Variants in ROBO2 observed in about 807,000 individuals in gnomAD.
ROBO2 encodes the protein roundabout homolog 2.
ROBO2 carries 53 observed loss-of-function variants against 160.8 expected under a neutral mutation model. That is an observed-to-expected ratio of 0.33 (90% confidence interval 0.26 to 0.41). ROBO2 has a LOEUF of 0.41. Ranked by LOEUF, ROBO2 falls within the 10% of genes least tolerant of loss-of-function variation. The probability of loss-of-function intolerance (pLI) is 1.00; values close to 1 mark genes in which losing one functional copy is unlikely to be tolerated. For synonymous variants in ROBO2, 664 were observed against 611.7 expected (o/e 1.09, Z -1.26); for missense variants, 1,577 against 1,722.4 (o/e 0.92, Z 1.49).
chr3:77,180,434 A>ATT (rs71104658), intron 2 of ROBO2, among the ~76,000 whole-genome samples: 23 of 81,644 alleles, frequency 2.8e-4, no homozygotes, highest in South Asian at 4.1e-4. Context: ...ATATATATGT[A>ATT]TTTTTTTTTT....
At chr3:76,502,458 C>A (rs540512288) in intron 2 of ROBO2, among the ~76,000 whole-genome samples, 1 of 152,202 alleles carries the variant, frequency 6.6e-6, no homozygotes, top group South Asian at 2.1e-4. Flanking sequence ...AACTTATTTA[C>A]CATGAATAAT....
At chr3:77,092,311 A>T (rs1242490051) in intron 1 of ROBO2, 1 of 151,606 alleles carries the variant, frequency 6.6e-6, no homozygotes. Flanking sequence ...ATTAGCCTAG[A>T]TGCCATGTGC....
At chr3:77,488,156 C>A (rs2153596358) in intron 4 of ROBO2, among the ~76,000 whole-genome samples, 1 of 152,236 alleles carries the variant, frequency 6.6e-6, no homozygotes, top group African/African-American at 2.4e-5. Context: ...ACTAAATTGA[C>A]AGGGCTGACT....
At chr3:77,539,186 G>T (rs2092337363) in intron 6 of ROBO2, among the ~76,000 whole-genome samples, 4 of 152,110 alleles carry the variant, frequency 2.6e-5, no homozygotes, top group Admixed American at 2.6e-4. Context: ...TCCCAAAGTG[G>T]TAGAATTACA....
intron 1 of ROBO2, among the ~76,000 whole-genome samples, chr3:75,915,678 G>C (rs1428851193): frequency 6.6e-6 from 1 of 152,148 alleles, no homozygotes; most frequent in Non-Finnish European, 1.5e-5. Context: ...GAGGACTCAT[G>C]TTGAGGTGGC....
chr3:77,130,981 T>C (rs941486013), intron 2 of ROBO2, among the ~76,000 whole-genome samples: 1 of 152,200 alleles, frequency 6.6e-6, no homozygotes, highest in Admixed American at 6.5e-5. Context: ...TGCTGTTTTT[T>C]CTTATTAGAG....
At chr3:77,175,472 G>A (rs749541112) in intron 2 of ROBO2, among the ~76,000 whole-genome samples, 8 of 152,040 alleles carry the variant, frequency 5.3e-5, no homozygotes, top group South Asian at 2.1e-4. Flanking sequence ...ATTGGCACAC[G>A]ATGAGGAATC....
chr3:77,514,699 T>C (rs2089808689), intron 5 of ROBO2, among the ~76,000 whole-genome samples: 1 of 151,828 alleles, frequency 6.6e-6, no homozygotes, highest in Non-Finnish European at 1.5e-5. Flanking sequence ...TATTTATAAC[T>C]TATTGTATCA....
At chr3:77,563,136 G>T (rs2093378961) in intron 10 of ROBO2, 31 bp from the exon 12 acceptor site, 2 of 1,610,300 alleles carry the variant, frequency 1.2e-6, no homozygotes, top group South Asian at 1.1e-5. Flanking sequence ...ATGCAATCAG[G>T]AATGAAGTTT....
chr3:76,764,942 G>T (rs1456777648), intron 2 of ROBO2, among the ~76,000 whole-genome samples: 2 of 151,662 alleles, frequency 1.3e-5, no homozygotes, highest in African/African-American at 2.4e-5. Flanking sequence ...GGATACAAAA[G>T]TGCAGATTTA....
chr3:77,437,117 G>C (rs946018703), intron 2 of ROBO2, among the ~76,000 whole-genome samples: 32 of 151,952 alleles, frequency 2.1e-4, no homozygotes, highest in African/African-American at 7.7e-4. Flanking sequence ...CATAATCCCT[G>C]ACAAAGGATG....
At chr3:76,067,200 C>T (rs11923630) in intron 2 of ROBO2, among the ~76,000 whole-genome samples, 2 of 152,084 alleles carry the variant, frequency 1.3e-5, no homozygotes, top group Non-Finnish European at 2.9e-5. Context: ...TCTGATTTTT[C>T]TAAGCCCCAG....
chr3:75,978,009 TGTTA>T (rs1274367198), intron 2 of ROBO2, among the ~76,000 whole-genome samples: 8 of 151,662 alleles, frequency 5.3e-5, no homozygotes, highest in African/African-American at 1.9e-4. Context: ...AGTAATACAA[TGTTA>T]GTTACAGTAT....
intron 2 of ROBO2, among the ~76,000 whole-genome samples, chr3:75,972,723 A>G (rs1041068007): frequency 2.6e-5 from 4 of 151,626 alleles, no homozygotes; most frequent in South Asian, 2.1e-4. Context: ...CCCTAGATCT[A>G]TTGAATCAGA....
At chr3:76,497,410 G>T (rs1253709872) in intron 2 of ROBO2, among the ~76,000 whole-genome samples, 1 of 152,104 alleles carries the variant, frequency 6.6e-6, no homozygotes, top group East Asian at 1.9e-4. Context: ...TGCCCAGGCT[G>T]GTCTCAAGCT....
At chr3:77,129,225 A>G (rs2075626641) in intron 2 of ROBO2, among the ~76,000 whole-genome samples, 1 of 152,012 alleles carries the variant, frequency 6.6e-6, no homozygotes, top group African/African-American at 2.4e-5. Flanking sequence ...AAACTTGTAT[A>G]TATTTATGGT....
intron 2 of ROBO2, among the ~76,000 whole-genome samples, chr3:77,113,763 C>A (rs542120846): frequency 1.3e-5 from 2 of 152,314 alleles, no homozygotes; most frequent in African/African-American, 4.8e-5. Flanking sequence ...ATCTCCCATT[C>A]ATTCCATTTG....
chr3:77,421,723 G>C (rs2077730749), intron 2 of ROBO2, among the ~76,000 whole-genome samples: 1 of 151,800 alleles, frequency 6.6e-6, no homozygotes, highest in Non-Finnish European at 1.5e-5. Flanking sequence ...TTTTGAAAAA[G>C]GGAAAATGAT....
At chr3:77,195,505 A>G (rs923352267) in intron 2 of ROBO2, among the ~76,000 whole-genome samples, 2 of 152,244 alleles carry the variant, frequency 1.3e-5, no homozygotes, top group African/African-American at 2.4e-5. Flanking sequence ...AGGAAAAAGG[A>G]ACAGATAACA....
Sources: allele counts gnomAD v4.1 joint callset (sites outside exome capture counted in the v4.1 genomes callset), GRCh38; gene constraint gnomAD v4.1.1; transcripts MANE v1.5; gene names NCBI Gene and HGNC (gene_info 2026-07-23, HGNC 2026-07-21).